Variants in MAGI2 observed in about 807,000 individuals in gnomAD.
MAGI2 encodes the protein membrane associated guanylate kinase, WW and PDZ domain containing 2, also known as membrane-associated guanylate kinase, WW and PDZ domain-containing protein 2.
Under a neutral mutation model 133.3 loss-of-function variants are expected in MAGI2, and 35 were observed. The observed-to-expected ratio is 0.26, with a 90% confidence interval of 0.20 to 0.35. The LOEUF is 0.35. MAGI2 is among the 10% of genes least tolerant of loss of function. The pLI, the probability that MAGI2 is intolerant of heterozygous loss-of-function variation, is 1.00. For synonymous variants in MAGI2, 729 were observed against 710.6 expected (o/e 1.03, Z -0.41); for missense variants, 1,636 against 1,863.4 (o/e 0.88, Z 2.25).
chr7:79,031,013 C>T (rs559630649), intron 1 of MAGI2, among the ~76,000 whole-genome samples: 2 of 152,256 alleles, frequency 1.3e-5, no homozygotes, highest in African/African-American at 4.8e-5. Context: ...TTTTATACAT[C>T]TGAACAACTA....
intron 1 of MAGI2, among the ~76,000 whole-genome samples, chr7:79,316,453 ACATAT>A (rs1164405425): frequency 6.6e-6 from 1 of 152,190 alleles, no homozygotes; most frequent in Non-Finnish European, 1.5e-5. Context: ...ATATACACAC[ACATAT>A]ATGTGCACAT....
chr7:78,794,371 C>T (rs927954614), intron 2 of MAGI2, among the ~76,000 whole-genome samples: 1 of 152,164 alleles, frequency 6.6e-6, no homozygotes, highest in African/African-American at 2.4e-5. Context: ...ATTACGATGG[C>T]AACTGCCCTT....
chr7:79,400,812 T>G (rs1400804207), intron 1 of MAGI2, among the ~76,000 whole-genome samples: 1 of 152,114 alleles, frequency 6.6e-6, no homozygotes, highest in East Asian at 1.9e-4. Context: ...TGTAGTTATA[T>G]AGTATGTTCT....
intron 1 of MAGI2, among the ~76,000 whole-genome samples, chr7:79,400,736 A>G (rs1379427296): frequency 2.0e-5 from 3 of 152,222 alleles, no homozygotes; most frequent in Non-Finnish European, 4.4e-5. Context: ...CACATGAACT[A>G]TAGTGTACAT....
chr7:78,200,260 A>T (rs1829115227), intron 11 of MAGI2, among the ~76,000 whole-genome samples: 1 of 152,126 alleles, frequency 6.6e-6, no homozygotes, highest in African/African-American at 2.4e-5. Flanking sequence ...TAACACATAA[A>T]ATGGGATGCC....
rs1021548793 is a variant in MAGI2 at position 78,573,349 on chromosome 7, G to T, written c.539-51704C>A. ...ATATATATAAATATATATATATAGA[G>T]AGAGAGAATCCTGGAAATATATATA... On this transcript the variant is annotated intron_variant, in intron 3 of 21. Transcript: ENST00000354212. Among the ~76,000 whole-genome samples, 98 of 53,906 alleles carry T rather than the reference G, an allele frequency of 1.8e-3. 1 individual carries two copies. The highest frequency in any genetic ancestry group is 6.0e-3 in the East Asian group (9 of 1,500). 35.4% of individuals were successfully genotyped at this position (53,906 alleles called of 152,430 possible).
intron 6 of MAGI2, among the ~76,000 whole-genome samples, chr7:78,423,202 G>T (rs1465801490): frequency 6.6e-6 from 1 of 152,074 alleles, no homozygotes; most frequent in Non-Finnish European, 1.5e-5. Flanking sequence ...GATCTTTCCT[G>T]TGATCTTCTC....
chr7:78,983,318 G>A (rs368612187), intron 2 of MAGI2, among the ~76,000 whole-genome samples: 24 of 151,960 alleles, frequency 1.6e-4, no homozygotes, highest in African/African-American at 5.8e-4. Context: ...CTTTTATATA[G>A]ACTATAATTT....
intron 1 of MAGI2, among the ~76,000 whole-genome samples, chr7:79,436,224 C>CAAAAAAAAAAAAAAAAAAAACAAA (rs34732039): frequency 1.1e-5 from 1 of 92,494 alleles, no homozygotes. Context: ...GACTTCACCT[C>CAAAAAAAAAAAAAAAAAAAACAAA]AAAAAAAAAA....
chr7:78,366,628 T>A (rs1585021192), intron 7 of MAGI2, among the ~76,000 whole-genome samples: 1 of 139,928 alleles, frequency 7.1e-6, no homozygotes, highest in African/African-American at 2.5e-5. Context: ...TTTGGGATGA[T>A]GGAAGATATC....
At chr7:78,674,533 A>C (rs1814774547) in intron 2 of MAGI2, among the ~76,000 whole-genome samples, 1 of 152,092 alleles carries the variant, frequency 6.6e-6, no homozygotes, top group South Asian at 2.1e-4. Context: ...CTATTGGGCA[A>C]GTTATATAAT....
At chr7:78,925,035 A>C (rs1273683357) in intron 2 of MAGI2, among the ~76,000 whole-genome samples, 1 of 151,956 alleles carries the variant, frequency 6.6e-6, no homozygotes, top group Non-Finnish European at 1.5e-5. Flanking sequence ...TTAACCCTAA[A>C]AGATAATTAG....
At chr7:78,345,864 C>G (rs1790851676) in intron 8 of MAGI2, 58 bp downstream of exon 8, 4 of 1,599,756 alleles carry the variant, frequency 2.5e-6, no homozygotes, top group Admixed American at 1.8e-5. Context: ...TTTGGAAGAG[C>G]AGGCAGTTTG....
chr7:78,366,494 A>C (rs964072629), intron 7 of MAGI2, among the ~76,000 whole-genome samples: 1 of 152,172 alleles, frequency 6.6e-6, no homozygotes, highest in Admixed American at 6.5e-5. Context: ...TAGTTTCCAT[A>C]AAGAAGGCTA....
At chr7:79,230,771 C>G (rs1221356842) in intron 1 of MAGI2, among the ~76,000 whole-genome samples, 2 of 151,676 alleles carry the variant, frequency 1.3e-5, no homozygotes, top group South Asian at 4.2e-4. Flanking sequence ...TAGTTTCTTT[C>G]GCTGTGCAGA....
At chr7:78,487,038 A>G in intron 6 of MAGI2, 1 of 503,080 alleles carries the variant, frequency 2.0e-6, no homozygotes, top group Non-Finnish European at 4.0e-6. Context: ...ACGAAGGACC[A>G]ATACACTGAG....
chr7:78,573,331 TAA>T (rs1801890851), intron 3 of MAGI2, among the ~76,000 whole-genome samples: 9 of 71,524 alleles, frequency 1.3e-4, no homozygotes, highest in African/African-American at 5.3e-4. Context: ...AATATATATA[TAA>T]ATATATATAT....
At chr7:78,244,167 TAAAAAAAAAA>T (rs535442682) in intron 10 of MAGI2, among the ~76,000 whole-genome samples, 2 of 68,834 alleles carry the variant, frequency 2.9e-5, no homozygotes, top group African/African-American at 5.1e-5. Context: ...CTATTTAAAT[TAAAAAAAAAA>T]AAAAAAAAAA....
At chr7:79,217,025 G>C (rs1361069076) in intron 1 of MAGI2, among the ~76,000 whole-genome samples, 1 of 152,080 alleles carries the variant, frequency 6.6e-6, no homozygotes, top group African/African-American at 2.4e-5. Flanking sequence ...GTTTGTGTTA[G>C]ACAGTTTATG....
Sources: allele counts gnomAD v4.1 joint callset (sites outside exome capture counted in the v4.1 genomes callset), GRCh38; gene constraint gnomAD v4.1.1; transcripts MANE v1.5; gene names NCBI Gene and HGNC (gene_info 2026-07-23, HGNC 2026-07-21).